CFHR5: variants seen among roughly 807,000 people sequenced by gnomAD.
The protein encoded by CFHR5 is complement factor H-related protein 5.
CFHR5 carries 73 observed loss-of-function variants against 62.9 expected under a neutral mutation model. The ratio of observed to expected loss-of-function variants is 1.16; its 90% CI spans 0.96 to 1.41. The LOEUF (loss-of-function observed/expected upper bound fraction) is 1.41. CFHR5 is among the 40% of genes most tolerant of loss of function. The pLI is 0.00. For missense variants in CFHR5, 779 were observed against 679.9 expected, an observed-to-expected ratio of 1.15 and a Z score of -1.62; for synonymous variants, 249 against 227.2, an observed-to-expected ratio of 1.10 and a Z score of -0.86.
rs1302400758 is a variant in CFHR5, at chr1:196,986,980, C to T, written c.430+2843C>T. Among the ~76,000 whole-genome samples the T allele has an allele frequency of 2.0e-5, 3 of 152,180 alleles. No individual in the cohort carries two copies. The East Asian group carries it at 5.8e-4, about 29-fold the overall frequency. On this transcript the variant is annotated intron_variant, in intron 3 of 9. Coordinates refer to ENST00000256785, the MANE Select transcript of CFHR5 (RefSeq NM_030787.4). ...CAATGGTTGAACTAGTTTACACTCC[C>T]AACAACAGTGTAAAAGAGTTCCTAT...
At chr1:196,979,298 A>T (rs1653476649) in intron 1 of CFHR5, among the ~76,000 whole-genome samples, 1 of 149,346 alleles carries the variant, frequency 6.7e-6, no homozygotes, top group Admixed American at 6.6e-5. Context: ...ACACTCATAC[A>T]TCACTTAATG....
chr1:196,976,927 C>G (rs889636280), upstream of CFHR5, among the ~76,000 whole-genome samples: 4 of 151,250 alleles, frequency 2.6e-5, no homozygotes, highest in Non-Finnish European at 5.9e-5. Context: ...GCCTCAGCCT[C>G]CCGAGTAGCT....
In CFHR5 at chr1:196,996,069, G is replaced by T; in HGVS notation, c.838G>T (p.Val280Phe). The T allele has an allele frequency of 6.2e-7, 1 of 1,613,932 alleles. No homozygotes were observed. Among genetic ancestry groups the T allele is most frequent in the Non-Finnish European group, 8.5e-7 (1 of 1,179,894 alleles). Residue 280 changes from valine to phenylalanine, a missense_variant, in exon 6 of 10, where the codon GTT (valine) becomes TTT (phenylalanine). Transcript: ENST00000256785. ...CATACCTGAACTCGAGTACGGTTAT[G>T]TTCAGCCGTCTGTCCCTCCCTATCA... ...GYIPELEYGY[V>F]QPSVPPYQHG...
rs1491195134 is a variant in CFHR5, at chr1:196,980,628, G to GTGTGTGTGTC, written c.59-2256_59-2255insGTGTGTGTCT. On this transcript the variant is annotated intron_variant, in intron 1 of 9. Coordinates refer to ENST00000256785, the MANE Select transcript of CFHR5 (RefSeq NM_030787.4). Reference sequence around the variant, plus strand: ...TGTGTGTGTGTGTGTGTGTGTGTGTGTATCCCAGAAGAAATATATTCACAG... The same window carrying GTGTGTGTGTC: ...TGTGTGTGTGTGTGTGTGTGTGTGTGTGTGTGTGTCTATCCCAGAAGAAATATATTCACAG... Among the ~76,000 whole-genome samples the GTGTGTGTGTC allele has an allele frequency of 4.0e-3, 573 of 142,556 alleles. 5 individuals are homozygous for GTGTGTGTGTC. The highest frequency in any genetic ancestry group is 0.014 in the African/African-American group (545 of 38,124). 93.5% of individuals were successfully genotyped at this position (142,556 alleles called of 152,430 possible).
intron 4 of CFHR5, among the ~76,000 whole-genome samples, 172 bp from the exon 5 acceptor site, chr1:196,995,545 T>C (rs1034615777): frequency 3.3e-5 from 5 of 152,144 alleles, no homozygotes; most frequent in Admixed American, 2.6e-4. Context: ...AGTGTCAATA[T>C]TTGAGGAAAC....
intron 3 of CFHR5, among the ~76,000 whole-genome samples, chr1:196,991,174 A>G (rs181582421): frequency 2.0e-5 from 3 of 152,094 alleles, no homozygotes; most frequent in Non-Finnish European, 4.4e-5. Flanking sequence ...AAGCTTGTAC[A>G]TGCATCACGT....
In CFHR5 at chr1:196,993,876, T is replaced by A. The variant is rs10922152; in HGVS notation, c.431-204T>A. Among the ~76,000 whole-genome samples the A allele has an allele frequency of 0.38, 58,267 of 152,126 alleles. 12,816 individuals are homozygous for A. The highest frequency in any genetic ancestry group is 0.51 in the Non-Finnish European group (34,742 of 67,990). On this transcript the variant is annotated intron_variant, in intron 3 of 9. Coordinates refer to ENST00000256785, the MANE Select transcript of CFHR5 (RefSeq NM_030787.4). ...AAAGATTCTCATAGAAAATGTTACC[T>A]TGCTATATACAGTTTCCCAATTTGC...
Position 197,004,806 on chromosome 1 carries a change from C to A in CFHR5, c.1476C>A (p.Cys492Ter). ...YKLQGSVTVT[C>*]RNKQWSEPPR... is the part of the protein sequence containing the mutation. ...TCCAGGGCTCTGTAACTGTAACATG[C>A]AGAAATAAACAGTGGTCAGAACCAC... Residue 492 changes from cysteine to a stop codon, truncating the protein, a stop_gained, in exon 9 of 10, where the codon TGC (cysteine) becomes TGA (stop). Coordinates refer to ENST00000256785, the MANE Select transcript of CFHR5 (RefSeq NM_030787.4). LOFTEE classifies it low-confidence loss of function (END_TRUNC). 6.2e-7 allele frequency: 1 copy of A among 1,613,576 alleles called. No individual in the cohort carries two copies. Among genetic ancestry groups the A allele is most frequent in the South Asian group, 1.1e-5 (1 of 91,076 alleles).
intron 3 of CFHR5, among the ~76,000 whole-genome samples, chr1:196,986,329 C>A (rs1653680477): frequency 6.6e-6 from 1 of 151,760 alleles, no homozygotes; most frequent in African/African-American, 2.4e-5. Flanking sequence ...ATGAATAAAG[C>A]AGCTGGAAAA....
At position 196,998,217 on chromosome 1, in the gene CFHR5, A is replaced by C; in HGVS notation, c.1060A>C (p.Arg354=). 2 of 1,608,638 alleles carry C rather than the reference A, an allele frequency of 1.2e-6. No homozygotes were observed. The highest frequency in any genetic ancestry group is 2.2e-5 in the South Asian group (2 of 90,270). The change falls in exon 7 of 10, where the codon AGA becomes CGA. Residue 354 remains arginine (R), a synonymous_variant. Transcript: ENST00000256785. The part of the protein sequence containing the change: ...LSGKEFNHNS[R]IRYRCSDIFR... ...TGGGAAAGAATTTAATCATAATTCT[A>C]GAATACGTTACAGATGTTCAGACAT...
intron 7 of CFHR5, 138 bp downstream of exon 7, chr1:196,998,442 T>C: frequency 2.7e-6 from 2 of 727,314 alleles, no homozygotes; most frequent in South Asian, 3.6e-5. Context: ...AAACTAGTTA[T>C]AATACTCTTT....
At chr1:197,003,863 G>T (rs140690660) in intron 8 of CFHR5, among the ~76,000 whole-genome samples, 8 of 152,228 alleles carry the variant, frequency 5.3e-5, no homozygotes, top group African/African-American at 1.9e-4. Flanking sequence ...ATGATTAAGT[G>T]GAAAGGGAGA....
chr1:196,982,777 T>C, intron 1 of CFHR5, 108 bp from the exon 2 acceptor site: 1 of 1,001,374 alleles, frequency 1.0e-6, no homozygotes, highest in South Asian at 1.4e-5. Flanking sequence ...TAAAGGCATT[T>C]AAGCTGAATG....
chr1:197,007,630 AT>A (rs960225235), intron 9 of CFHR5, among the ~76,000 whole-genome samples: 29 of 149,310 alleles, frequency 1.9e-4, no homozygotes, highest in East Asian at 9.7e-4. Flanking sequence ...TATTACATAT[AT>A]TTTTAACATA....
chr1:196,997,612 C>A (rs1654030152), intron 6 of CFHR5, among the ~76,000 whole-genome samples: 1 of 152,008 alleles, frequency 6.6e-6, no homozygotes, highest in Admixed American at 6.6e-5. Flanking sequence ...GAGTTCTTCC[C>A]CTGAGAATAC....
rs148063057 is a variant in CFHR5, at chr1:196,989,660, T to C, written c.431-4420T>C. The stretch of plus-strand genomic sequence containing the variant: ...GTCATTCAGGAGCAGGGTGTTCAGT[T>C]TCCATGTAGTGGTGCGGTTTTGAGT... On this transcript the variant is annotated intron_variant, in intron 3 of 9. Coordinates refer to ENST00000256785, the MANE Select transcript of CFHR5 (RefSeq NM_030787.4). Among the ~76,000 whole-genome samples, 920 of 152,292 alleles carry C rather than the reference T, an allele frequency of 6.0e-3. 10 individuals are homozygous for C. The highest frequency in any genetic ancestry group is 0.021 in the African/African-American group (875 of 41,538).
At chr1:196,979,899 A>G (rs931829783) in intron 1 of CFHR5, among the ~76,000 whole-genome samples, 1 of 152,144 alleles carries the variant, frequency 6.6e-6, no homozygotes, top group Non-Finnish European at 1.5e-5. Context: ...TACTTTATCA[A>G]CTGAAAATCT....
At chr1:196,991,390 T>G (rs1653844856) in intron 3 of CFHR5, among the ~76,000 whole-genome samples, 1 of 152,196 alleles carries the variant, frequency 6.6e-6, no homozygotes, top group Non-Finnish European at 1.5e-5. Context: ...TCATTCTCTG[T>G]CCAGCTTTCT....
chr1:196,986,610 C>T (rs1653688757), intron 3 of CFHR5, among the ~76,000 whole-genome samples: 1 of 151,974 alleles, frequency 6.6e-6, no homozygotes, highest in Non-Finnish European at 1.5e-5. Context: ...TGAGTGAGAA[C>T]ATGCAGTGTT....
Sources: allele counts gnomAD v4.1 joint callset (sites outside exome capture counted in the v4.1 genomes callset), GRCh38; gene constraint gnomAD v4.1.1; transcripts MANE v1.5; gene names NCBI Gene and HGNC (gene_info 2026-07-23, HGNC 2026-07-21).